Variants in GRM8 observed in about 807,000 individuals in gnomAD.
GRM8 encodes glutamate metabotropic receptor 8.
Under a neutral mutation model 87.2 loss-of-function variants are expected in GRM8, and 47 were observed. The observed-to-expected ratio is 0.54, with a 90% CI of 0.43 to 0.69. The LOEUF is 0.69. Ranked by LOEUF, GRM8 falls within the 30% of genes least tolerant of loss-of-function variation. The pLI, the probability that GRM8 is intolerant of heterozygous loss-of-function variation, is 0.00. For synonymous variants in GRM8, 396 were observed against 404.5 expected (o/e 0.98, Z 0.25); for missense variants, 1,019 against 1,139.2 (o/e 0.89, Z 1.52).
intron 6 of GRM8, among the ~76,000 whole-genome samples, chr7:126,800,687 T>C (rs1822571436): frequency 6.6e-6 from 1 of 152,096 alleles, no homozygotes; most frequent in African/African-American, 2.4e-5. Flanking sequence ...TGTTCAATCC[T>C]TTTCTCAAAT....
At chr7:127,071,179 T>G (rs1338435665) in intron 3 of GRM8, among the ~76,000 whole-genome samples, 1 of 152,146 alleles carries the variant, frequency 6.6e-6, no homozygotes, top group Non-Finnish European at 1.5e-5. Flanking sequence ...TAAGCAAATG[T>G]CCTTTAATGT....
chr7:126,727,277 C>T (rs1174908716), intron 7 of GRM8, among the ~76,000 whole-genome samples: 1 of 151,832 alleles, frequency 6.6e-6, no homozygotes, highest in Non-Finnish European at 1.5e-5. Context: ...TAAGAACATA[C>T]TTTTTAAAAA....
At chr7:126,885,348 C>T (rs576535243) in intron 6 of GRM8, among the ~76,000 whole-genome samples, 22 of 152,280 alleles carry the variant, frequency 1.4e-4, no homozygotes, top group African/African-American at 5.3e-4. Context: ...CAACCCAGAA[C>T]TTTCTTCAGG....
At chr7:127,005,804 G>A (rs1261689453) in intron 3 of GRM8, among the ~76,000 whole-genome samples, 1 of 151,770 alleles carries the variant, frequency 6.6e-6, no homozygotes, top group East Asian at 1.9e-4. Context: ...TCAGCAGCTG[G>A]AAGTAGTCAA....
intron 6 of GRM8, among the ~76,000 whole-genome samples, chr7:126,832,393 C>A (rs1795475547): frequency 6.6e-6 from 1 of 152,084 alleles, no homozygotes; most frequent in Non-Finnish European, 1.5e-5. Context: ...TCTTTGAATT[C>A]ATTTAAGCCA....
intron 7 of GRM8, among the ~76,000 whole-genome samples, chr7:126,634,174 A>G (rs1260281478): frequency 6.6e-6 from 1 of 152,174 alleles, no homozygotes; most frequent in Admixed American, 6.6e-5. Context: ...AACACACTGA[A>G]TTAAAAAGTG....
chr7:126,609,306 A>T, intron 8 of GRM8, 56 bp downstream of exon 8: 1 of 1,363,654 alleles, frequency 7.3e-7, no homozygotes, highest in East Asian at 2.4e-5. Context: ...ACTTAAAAAT[A>T]AAGCATCCCT....
chr7:126,685,387 C>T lies in GRM8; in HGVS notation c.1358-75889G>A, dbSNP rs1808059024. Among the ~76,000 whole-genome samples, 1 of 152,084 alleles carries T rather than the reference C, an allele frequency of 6.6e-6. No individual in the cohort carries two copies. Among genetic ancestry groups the T allele is most frequent in the Non-Finnish European group, 1.5e-5 (1 of 67,990 alleles). On this transcript the variant is annotated intron_variant, in intron 7 of 10. Coordinates refer to ENST00000339582, the MANE Select transcript of GRM8 (RefSeq NM_000845.3). The surrounding 1 kb of genome is among the most constrained non-coding windows in gnomAD (Gnocchi z 4.2). ...CAAGAGCCCTGGACAAGCGGGAGACCCACCCCCTCTGAGTTAGCTGGGTGG... is the reference window on the plus strand; with the variant it reads ...CAAGAGCCCTGGACAAGCGGGAGACTCACCCCCTCTGAGTTAGCTGGGTGG...
At chr7:126,731,316 G>A (rs988752083) in intron 7 of GRM8, among the ~76,000 whole-genome samples, 2 of 152,074 alleles carry the variant, frequency 1.3e-5, no homozygotes, top group Admixed American at 6.6e-5. Flanking sequence ...CTTGCCTCTA[G>A]ACCCAACTTT....
At chr7:126,972,771 C>T (rs1249161355) in intron 3 of GRM8, among the ~76,000 whole-genome samples, 3 of 152,156 alleles carry the variant, frequency 2.0e-5, no homozygotes, top group African/African-American at 7.2e-5. Context: ...GCATGTGGTC[C>T]TTCTAAAGCT....
chr7:127,122,787 G>A, intron 2 of GRM8, among the ~76,000 whole-genome samples: 1 of 152,156 alleles, frequency 6.6e-6, no homozygotes, highest in South Asian at 2.1e-4. Context: ...CACTTGAAAA[G>A]AAAATGGAAA....
At chr7:126,820,653 C>T (rs1015886350) in intron 6 of GRM8, among the ~76,000 whole-genome samples, 2 of 152,218 alleles carry the variant, frequency 1.3e-5, no homozygotes, top group Non-Finnish European at 2.9e-5. Flanking sequence ...ATTCTCAGCA[C>T]AGCCTGGACA....
At chr7:127,069,530 A>G (rs979002842) in intron 3 of GRM8, among the ~76,000 whole-genome samples, 1 of 152,184 alleles carries the variant, frequency 6.6e-6, no homozygotes, top group Non-Finnish European at 1.5e-5. Context: ...TTCTTTTGTA[A>G]AGACAGGGAT....
intron 2 of GRM8, among the ~76,000 whole-genome samples, chr7:127,223,425 C>T (rs934717381): frequency 1.4e-5 from 2 of 146,472 alleles, no homozygotes; most frequent in Non-Finnish European, 3.0e-5. Context: ...CTACTCGAAA[C>T]ACACCACACA....
chr7:126,580,073 T>C (rs186122106), intron 8 of GRM8, among the ~76,000 whole-genome samples: 3 of 152,278 alleles, frequency 2.0e-5, no homozygotes, highest in Admixed American at 6.5e-5. Context: ...TACATGCCTA[T>C]TCACTAATAA....
At chr7:127,121,072 T>C (rs1827059736) in intron 2 of GRM8, among the ~76,000 whole-genome samples, 1 of 152,220 alleles carries the variant, frequency 6.6e-6, no homozygotes, top group Non-Finnish European at 1.5e-5. Context: ...AAAGATGCAA[T>C]GTACCTTGTC....
At chr7:126,978,389 T>C (rs1811215752) in intron 3 of GRM8, among the ~76,000 whole-genome samples, 1 of 152,100 alleles carries the variant, frequency 6.6e-6, no homozygotes, top group Non-Finnish European at 1.5e-5. Flanking sequence ...ATCAATAATA[T>C]CCAAGAATTC....
intron 9 of GRM8, among the ~76,000 whole-genome samples, chr7:126,479,222 A>G (rs1298420259): frequency 6.6e-6 from 1 of 152,108 alleles, no homozygotes; most frequent in Non-Finnish European, 1.5e-5. Context: ...GTTGTGCATT[A>G]AGACATTTTT....
intron 2 of GRM8, among the ~76,000 whole-genome samples, chr7:127,108,543 G>A (rs554262285): frequency 6.6e-6 from 1 of 152,196 alleles, no homozygotes; most frequent in South Asian, 2.1e-4. Context: ...CCCACTTCCT[G>A]AGCTACTAAG....
Sources: allele counts gnomAD v4.1 joint callset (sites outside exome capture counted in the v4.1 genomes callset), GRCh38; gene constraint gnomAD v4.1.1; non-coding constraint Gnocchi (gnomAD v3.1); transcripts MANE v1.5; gene names NCBI Gene and HGNC (gene_info 2026-07-23, HGNC 2026-07-21).